The following GLI3 variants were observed in gnomAD, a reference collection of about 807,000 sequenced individuals.
GLI3 encodes the protein GLI family zinc finger 3.
In GLI3, 20 loss-of-function variants were observed where a neutral mutation model predicts 100.8. The observed-to-expected ratio is 0.20, with a 90% confidence interval of 0.14 to 0.29. The LOEUF (loss-of-function observed/expected upper bound fraction) is 0.29. Ranked by LOEUF, GLI3 falls within the 10% of genes least tolerant of loss-of-function variation. GLI3 has a pLI of 1.00. For missense variants in GLI3, 2,040 were observed against 2,128.5 expected (o/e 0.96, Z 0.82); for synonymous variants, 938 against 860.5 (o/e 1.09, Z -1.58).
chr7:42,129,336 G>C (rs846385), intron 3 of GLI3, among the ~76,000 whole-genome samples: 35,225 of 152,194 alleles, frequency 0.23, 4,370 homozygotes, highest in Admixed American at 0.35. Flanking sequence ...GGGTCTATGG[G>C]TGAAACTCTT....
chr7:42,051,078 C>T (rs1784343096), intron 4 of GLI3, among the ~76,000 whole-genome samples: 1 of 152,200 alleles, frequency 6.6e-6, no homozygotes, highest in Admixed American at 6.5e-5. Flanking sequence ...ACTAAACCAG[C>T]TTCCCACGAG....
chr7:42,028,512 C>T (rs1385355371), intron 7 of GLI3, among the ~76,000 whole-genome samples: 1 of 152,090 alleles, frequency 6.6e-6, no homozygotes, highest in Non-Finnish European at 1.5e-5. Context: ...GCCTGTAATC[C>T]CAGCACTTTG....
At chr7:42,022,046 C>T (rs943065105) in intron 10 of GLI3, among the ~76,000 whole-genome samples, 19 of 152,082 alleles carry the variant, frequency 1.2e-4, no homozygotes, top group Non-Finnish European at 8.8e-5. Context: ...GAGAAAGAAT[C>T]GAATTAAGTT....
intron 3 of GLI3, among the ~76,000 whole-genome samples, chr7:42,140,919 C>A (rs1421242635): frequency 6.6e-6 from 1 of 151,958 alleles, no homozygotes; most frequent in Non-Finnish European, 1.5e-5. Flanking sequence ...TCATGCTTTA[C>A]TCTAGGAGGG....
intron 1 of GLI3, among the ~76,000 whole-genome samples, chr7:42,235,241 A>C (rs1788767515): frequency 6.6e-6 from 1 of 152,232 alleles, no homozygotes; most frequent in South Asian, 2.1e-4. Context: ...TCAATCAATA[A>C]GGCACCTATT....
chr7:41,968,762 AGGAAAGAAAG>A (rs1787287612), intron 13 of GLI3, among the ~76,000 whole-genome samples: 4 of 78,204 alleles, frequency 5.1e-5, no homozygotes, highest in Non-Finnish European at 1.1e-4. Context: ...GAAAGAAAGA[AGGAAAGAAAG>A]AAAGAAAGAA....
chr7:42,012,798 G>C (rs1016293096), intron 10 of GLI3, among the ~76,000 whole-genome samples: 9 of 152,192 alleles, frequency 5.9e-5, no homozygotes. Context: ...TACAGTGAGG[G>C]CTGTGTTTCA....
intron 3 of GLI3, among the ~76,000 whole-genome samples, chr7:42,146,566 T>C (rs1786714337): frequency 1.3e-5 from 2 of 152,216 alleles, no homozygotes; most frequent in South Asian, 4.1e-4. Context: ...AGTGGGCATC[T>C]TGAAAAGACA....
At chr7:42,252,047 T>C (rs1789038509) in intron 1 of GLI3, among the ~76,000 whole-genome samples, 1 of 152,002 alleles carries the variant, frequency 6.6e-6, no homozygotes, top group South Asian at 2.1e-4. Flanking sequence ...TAAAGACAAA[T>C]GCACACTGCA....
intron 3 of GLI3, among the ~76,000 whole-genome samples, chr7:42,079,128 T>C (rs181165316): frequency 7.9e-4 from 121 of 152,342 alleles, no homozygotes; most frequent in African/African-American, 2.7e-3. Context: ...GTAGGTATTA[T>C]TATTTGTAAT....
In GLI3 at chr7:42,200,703, AG is replaced by A. The variant is rs369860599; in HGVS notation, c.124+22426del. Among the ~76,000 whole-genome samples the A allele has an allele frequency of 1.5e-3, 225 of 152,314 alleles. 1 individual carries two copies. Among genetic ancestry groups the A allele is most frequent in the African/African-American group, 5.3e-3 (220 of 41,580 alleles). On this transcript the variant is annotated intron_variant, in intron 2 of 14. Transcript: ENST00000395925. ...TGGTCTGGCAATTCCTGTTATGAGA[AG>A]GAAGGTCAGGCTTCAAGTCTTATCC... is the stretch of plus-strand genomic sequence containing the variant.
chr7:42,223,283 G>A lies in GLI3; in HGVS notation c.-30C>T, dbSNP rs1372210716. The A allele has an allele frequency of 6.9e-6, 11 of 1,598,612 alleles. No individual in the cohort carries two copies. In the African/African-American group the frequency reaches 8.1e-5, roughly 12 times the overall value. On this transcript the variant is annotated 5_prime_UTR_variant, in exon 2 of 15. Coordinates refer to ENST00000395925, the MANE Select transcript of GLI3 (RefSeq NM_000168.6). ...TCTTCTCATTACTTCAGCTCTCTTC[G>A]ACCAAAAATGCCCTAAAGAAAACAA...
At chr7:42,046,421 C>T (rs1210952027) in intron 5 of GLI3, among the ~76,000 whole-genome samples, 2 of 152,146 alleles carry the variant, frequency 1.3e-5, no homozygotes, top group African/African-American at 4.8e-5. Flanking sequence ...ATATTTGTTT[C>T]ATATACTTTT....
intron 3 of GLI3, among the ~76,000 whole-genome samples, chr7:42,084,161 A>G (rs993470946): frequency 6.6e-6 from 1 of 152,168 alleles, no homozygotes; most frequent in Non-Finnish European, 1.5e-5. Flanking sequence ...AGTATTTTAG[A>G]CCTAAATGCT....
At chr7:42,017,030 T>C (rs1295538958) in intron 10 of GLI3, among the ~76,000 whole-genome samples, 1 of 152,360 alleles carries the variant, frequency 6.6e-6, no homozygotes, top group East Asian at 1.9e-4. Context: ...CCCCAGCCCA[T>C]GTAGCACCTG....
chr7:42,007,898 A>G (rs1166596296), intron 10 of GLI3, among the ~76,000 whole-genome samples: 1 of 150,858 alleles, frequency 6.6e-6, no homozygotes, highest in African/African-American at 2.4e-5. Context: ...AATATGTTTT[A>G]TAATAAAAAA....
At position 41,964,709 on chromosome 7, in the gene GLI3, G is replaced by A. The variant is rs1016873543; in HGVS notation, c.4364C>T (p.Thr1455Met). ...DQTVGFSQQD[T>M]KAGSFSISDA... is the part of the protein sequence containing the mutation. ...TGAAATAGAGAATGAACCAGCTTTC[G>A]TGTCTTGCTGACTGAAGCCCACGGT... The change falls in exon 15 of 15, where the codon ACG becomes ATG. Residue 1455 changes from threonine (T) to methionine (M), a missense_variant. Thr to Met is a moderately conservative substitution (Grantham distance 81). This residue lies in a region of GLI3 where 1,041 missense variants were observed against 924.0 expected (regional missense o/e 1.13). Transcript: ENST00000395925. 8 of 1,614,074 alleles carry A rather than the reference G, an allele frequency of 5.0e-6. No individual in the cohort carries two copies. Among genetic ancestry groups the A allele is most frequent in the African/African-American group, 1.3e-5 (1 of 74,942 alleles).
intron 2 of GLI3, among the ~76,000 whole-genome samples, chr7:42,189,216 A>G (rs1787778713): frequency 6.6e-6 from 1 of 152,226 alleles, no homozygotes; most frequent in Non-Finnish European, 1.5e-5. Flanking sequence ...ATAAAGGACT[A>G]ATAAAATAAA....
chr7:42,229,836 A>C (rs973311630), intron 1 of GLI3, among the ~76,000 whole-genome samples: 75 of 152,150 alleles, frequency 4.9e-4, no homozygotes, highest in African/African-American at 1.7e-3. Flanking sequence ...TCAATTCTGG[A>C]AGTGAGAAAT....
Sources: allele counts gnomAD v4.1 joint callset (sites outside exome capture counted in the v4.1 genomes callset), GRCh38; gene constraint gnomAD v4.1.1; regional missense constraint gnomAD v4.1.1; transcripts MANE v1.5; gene names NCBI Gene and HGNC (gene_info 2026-07-23, HGNC 2026-07-21).